The following PTPN14 variants were observed in gnomAD, a reference collection of about 807,000 sequenced individuals.
PTPN14 encodes protein tyrosine phosphatase non-receptor type 14, also known as tyrosine-protein phosphatase non-receptor type 14.
PTPN14 carries 53 observed loss-of-function variants against 126.8 expected under a neutral mutation model. The ratio of observed to expected loss-of-function variants is 0.42; its 90% CI spans 0.34 to 0.53. The LOEUF (loss-of-function observed/expected upper bound fraction) is 0.53. Ranked by LOEUF, PTPN14 falls within the 20% of genes least tolerant of loss-of-function variation. PTPN14 has a pLI of 0.08. For synonymous variants in PTPN14, 630 were observed against 599.3 expected (o/e 1.05, Z -0.75); for missense variants, 1,257 against 1,552.9 (o/e 0.81, Z 3.20).
At chr1:214,460,667 C>T (rs754198095) in intron 2 of PTPN14, among the ~76,000 whole-genome samples, 8 of 152,072 alleles carry the variant, frequency 5.3e-5, no homozygotes, top group South Asian at 4.2e-4. Flanking sequence ...CCGCCTTTCC[C>T]TGAAAATTCC....
chr1:214,544,083 T>A (rs1571661368), intron 1 of PTPN14, among the ~76,000 whole-genome samples: 2 of 152,168 alleles, frequency 1.3e-5, no homozygotes, highest in African/African-American at 4.8e-5. Context: ...ACAAGCATAA[T>A]ATGGTAAACT....
intron 2 of PTPN14, among the ~76,000 whole-genome samples, chr1:214,462,994 T>C (rs547664198): frequency 1.3e-5 from 2 of 152,314 alleles, no homozygotes; most frequent in South Asian, 4.1e-4. Flanking sequence ...ATTATTGCCA[T>C]TTTATAGGTA....
intron 1 of PTPN14, among the ~76,000 whole-genome samples, chr1:214,546,528 G>A (rs1255820261): frequency 6.6e-6 from 1 of 152,152 alleles, no homozygotes; most frequent in Non-Finnish European, 1.5e-5. Flanking sequence ...CAAGTCAGTG[G>A]CCCACATGGT....
chr1:214,431,176 G>A (rs772401008), intron 3 of PTPN14, among the ~76,000 whole-genome samples: 27 of 152,198 alleles, frequency 1.8e-4, no homozygotes, highest in Non-Finnish European at 3.4e-4. Flanking sequence ...ACAGAGGCTT[G>A]CCATGCTTCA....
In PTPN14 at chr1:214,402,448, A is replaced by AG. The variant is rs5780776; in HGVS notation, c.581+434_581+435insC. On this transcript the variant is annotated intron_variant, in intron 6 of 18. Coordinates refer to ENST00000366956, the MANE Select transcript of PTPN14 (RefSeq NM_005401.5). The stretch of plus-strand genomic sequence containing the variant: ...GAGCGAGACTCTGTCAAAAAAAAAA[A>AG]AAAAAAAAAAAGCCACGATGAGAGA... Among the ~76,000 whole-genome samples, 17 of 148,926 alleles carry AG rather than the reference A, an allele frequency of 1.1e-4. 1 individual carries two copies. Among genetic ancestry groups the AG allele is most frequent in the Non-Finnish European group, 1.9e-4 (13 of 67,334 alleles).
intron 3 of PTPN14, among the ~76,000 whole-genome samples, chr1:214,424,947 A>G (rs1451564093): frequency 6.6e-6 from 1 of 151,252 alleles, no homozygotes; most frequent in Non-Finnish European, 1.5e-5. Context: ...TGTAATGATA[A>G]CATGCCTATC....
At chr1:214,509,564 A>G (rs1397010290) in intron 1 of PTPN14, among the ~76,000 whole-genome samples, 1 of 152,214 alleles carries the variant, frequency 6.6e-6, no homozygotes, top group Admixed American at 6.5e-5. Flanking sequence ...TGCACATGTT[A>G]TCATTCATGT....
intron 1 of PTPN14, among the ~76,000 whole-genome samples, chr1:214,508,647 T>A (rs141070114): frequency 6.6e-6 from 1 of 152,354 alleles, no homozygotes; most frequent in African/African-American, 2.4e-5. Context: ...ATGTTGTTAA[T>A]GGCACTGAGA....
At chr1:214,530,889 T>C (rs1313421526) in intron 1 of PTPN14, 3 of 151,464 alleles carry the variant, frequency 2.0e-5, no homozygotes, top group African/African-American at 4.9e-5. Context: ...TTTAAAAGCT[T>C]TTCTCTGTAA....
At chr1:214,517,099 A>G (rs981852893) in intron 1 of PTPN14, among the ~76,000 whole-genome samples, 1 of 152,138 alleles carries the variant, frequency 6.6e-6, no homozygotes, top group African/African-American at 2.4e-5. Context: ...CATCCAGGCA[A>G]ATGTAATCGG....
At chr1:214,491,075 G>GAGAA (rs368571619) in intron 1 of PTPN14, among the ~76,000 whole-genome samples, 1 of 151,070 alleles carries the variant, frequency 6.6e-6, no homozygotes, top group Admixed American at 6.6e-5. Context: ...AAGAAAGAAA[G>GAGAA]AGAAAGAAAG....
At chr1:214,367,437 C>T (rs192437728) in intron 17 of PTPN14, among the ~76,000 whole-genome samples, 2 of 152,292 alleles carry the variant, frequency 1.3e-5, no homozygotes, top group East Asian at 1.9e-4. Flanking sequence ...AAGTACACAT[C>T]GGAATATTTA....
intron 1 of PTPN14, among the ~76,000 whole-genome samples, chr1:214,500,806 C>A (rs764577276): frequency 6.6e-6 from 1 of 152,088 alleles, no homozygotes. Context: ...CCTGACTACC[C>A]TGGAATGACA....
At chr1:214,441,948 T>C (rs1475611233) in intron 3 of PTPN14, among the ~76,000 whole-genome samples, 1 of 152,212 alleles carries the variant, frequency 6.6e-6, no homozygotes, top group African/African-American at 2.4e-5. Context: ...AAAGAACAAT[T>C]TGGAATCAAT....
rs1657777037 is a variant in PTPN14 at position 214,354,755 on chromosome 1, GA to G, written c.*3166del. On this transcript the variant is annotated 3_prime_UTR_variant, in exon 19 of 19. Coordinates refer to ENST00000366956, the MANE Select transcript of PTPN14 (RefSeq NM_005401.5). Reference sequence around the variant, plus strand: ...GGAAAATGTTTGATGGCTTTGTTGTGAGATGGTAACTTTTTTTTCCTCCATT... The same window carrying G: ...GGAAAATGTTTGATGGCTTTGTTGTGGATGGTAACTTTTTTTTCCTCCATT... 1 of 152,202 alleles carries G rather than the reference GA, an allele frequency of 6.6e-6. No individual in the cohort carries two copies. 9.4% of individuals were successfully genotyped at this position (152,202 alleles called of 1,614,324 possible). A position where few individuals can be genotyped will look rare whatever the true frequency, so the allele number is the denominator to read the frequency against.
intron 1 of PTPN14, among the ~76,000 whole-genome samples, chr1:214,496,939 GA>G (rs56737686): frequency 5.5e-4 from 83 of 151,640 alleles, no homozygotes; most frequent in Admixed American, 4.5e-3. Flanking sequence ...AAAAGTGCTA[GA>G]AAAAAAACAT....
chr1:214,534,661 C>G (rs1195988569), intron 1 of PTPN14, among the ~76,000 whole-genome samples: 1 of 151,592 alleles, frequency 6.6e-6, no homozygotes, highest in African/African-American at 2.4e-5. Context: ...TGCAGTGAGC[C>G]AAGACCGCGC....
chr1:214,399,437 T>C (rs559581541), intron 7 of PTPN14, among the ~76,000 whole-genome samples: 66 of 152,362 alleles, frequency 4.3e-4, no homozygotes, highest in African/African-American at 1.4e-3. Context: ...TGAACATCTA[T>C]TGATGTCTTT....
chr1:214,363,986 G>C (rs149439045), intron 18 of PTPN14, among the ~76,000 whole-genome samples: 1 of 152,164 alleles, frequency 6.6e-6, no homozygotes, highest in Non-Finnish European at 1.5e-5. Context: ...GGATGTTTGC[G>C]TGCTCAAAGT....
Sources: gnomAD v4.1 joint callset for allele counts (sites outside exome capture counted in the v4.1 genomes callset) on GRCh38, gnomAD v4.1.1 for gene constraint, MANE v1.5 for transcripts, NCBI Gene and HGNC (gene_info 2026-07-23, HGNC 2026-07-21) for gene names.